AKT3: variants seen among roughly 807,000 people sequenced by gnomAD.
The protein encoded by AKT3 is RAC-gamma serine/threonine-protein kinase.
In AKT3, 15 loss-of-function variants were observed where a neutral mutation model predicts 65.3. The ratio of observed to expected loss-of-function variants is 0.23; its 90% confidence interval spans 0.15 to 0.35. AKT3 has a LOEUF of 0.35. Among genes scored for constraint, AKT3 ranks in the 10% least tolerant of loss-of-function variants. The pLI is 1.00. For missense variants in AKT3, 243 were observed against 576.5 expected, an observed-to-expected ratio of 0.42 and a Z score of 5.92; for synonymous variants, 206 against 183.8, an observed-to-expected ratio of 1.12 and a Z score of -0.98.
chr1:243,706,742 G>C (rs1172874788), intron 2 of AKT3, among the ~76,000 whole-genome samples: 1 of 152,174 alleles, frequency 6.6e-6, no homozygotes, highest in East Asian at 1.9e-4. Flanking sequence ...AAGGAAACAT[G>C]AATGTCCTCA....
At chr1:243,771,329 T>C (rs11588042) in intron 2 of AKT3, among the ~76,000 whole-genome samples, 3,601 of 152,268 alleles carry the variant, frequency 0.024, 59 homozygotes, top group Non-Finnish European at 0.036. Context: ...TACCTTCTCA[T>C]TGAGGGCACA....
chr1:243,747,273 T>A (rs1288131122), intron 2 of AKT3, among the ~76,000 whole-genome samples: 1 of 152,182 alleles, frequency 6.6e-6, no homozygotes, highest in Non-Finnish European at 1.5e-5. Context: ...GAACACTTTT[T>A]CCAAGAACAA....
intron 8 of AKT3, among the ~76,000 whole-genome samples, chr1:243,580,919 C>A (rs1022584807): frequency 1.4e-4 from 21 of 152,122 alleles, no homozygotes; most frequent in African/African-American, 5.1e-4. Flanking sequence ...CAGGAAGATC[C>A]CTAGGCATTC....
intron 2 of AKT3, among the ~76,000 whole-genome samples, chr1:243,734,098 A>G (rs987419587): frequency 6.6e-6 from 1 of 152,218 alleles, no homozygotes; most frequent in East Asian, 1.9e-4. Flanking sequence ...TGTCAAGTCC[A>G]TGAGGGCTGT....
At chr1:243,557,894 AC>A (rs1673513940) in intron 10 of AKT3, among the ~76,000 whole-genome samples, 2 of 152,064 alleles carry the variant, frequency 1.3e-5, no homozygotes, top group African/African-American at 4.8e-5. Flanking sequence ...TAGAAAGGCT[AC>A]TAAAACAACT....
chr1:243,758,871 A>G (rs1689310920), intron 2 of AKT3, among the ~76,000 whole-genome samples: 1 of 152,180 alleles, frequency 6.6e-6, no homozygotes, highest in Non-Finnish European at 1.5e-5. Context: ...ACTTGTCCAC[A>G]GGCTGGGGGT....
chr1:243,739,965 G>C (rs147064873), intron 2 of AKT3, among the ~76,000 whole-genome samples: 201 of 152,254 alleles, frequency 1.3e-3, no homozygotes, highest in Middle Eastern at 0.01. Context: ...GCTCATTATT[G>C]TATCCCCAGC....
intron 8 of AKT3, among the ~76,000 whole-genome samples, chr1:243,595,777 C>T (rs1404139906): frequency 6.6e-6 from 1 of 152,092 alleles, no homozygotes; most frequent in Non-Finnish European, 1.5e-5. Flanking sequence ...CTAACAATGC[C>T]TTCTTTTGGA....
chr1:243,696,086 T>C (rs543309803), intron 2 of AKT3, among the ~76,000 whole-genome samples: 2 of 151,906 alleles, frequency 1.3e-5, no homozygotes, highest in East Asian at 3.9e-4. Flanking sequence ...TGAATTTCCA[T>C]TAAAAACATT....
chr1:243,646,733 C>G (rs1572093692), intron 4 of AKT3, among the ~76,000 whole-genome samples: 1 of 152,052 alleles, frequency 6.6e-6, no homozygotes, highest in East Asian at 1.9e-4. Flanking sequence ...TTAAGTCCAT[C>G]ATTGACATCC....
chr1:243,705,141 C>T (rs979129913), intron 2 of AKT3, among the ~76,000 whole-genome samples: 1 of 152,130 alleles, frequency 6.6e-6, no homozygotes, highest in Non-Finnish European at 1.5e-5. Context: ...AATGCATGAA[C>T]TTGTCATTTT....
At position 243,500,945 on chromosome 1, in the gene AKT3, G is replaced by C; in HGVS notation, c.*4304C>G. The stretch of plus-strand genomic sequence containing the variant: ...TTTAATTGTCCTTAATTCTGTTTTA[G>C]ATATACTGTGAATAAATTATACAAT... On this transcript the variant is annotated 3_prime_UTR_variant, in exon 14 of 14. Transcript: ENST00000673466. 4.4e-6 allele frequency: 1 copy of C among 227,570 alleles called. No individual in the cohort carries two copies. Among genetic ancestry groups the C allele is most frequent in the Non-Finnish European group, 8.7e-6 (1 of 114,588 alleles). 14.1% of individuals were successfully genotyped at this position (227,570 alleles called of 1,614,324 possible).
chr1:243,771,142 A>G (rs986082297), intron 2 of AKT3, among the ~76,000 whole-genome samples: 8 of 152,318 alleles, frequency 5.3e-5, no homozygotes, highest in African/African-American at 1.9e-4. Context: ...TCTTGTAGTC[A>G]AAATATTTAA....
chr1:243,791,482 T>C (rs1212057415), intron 2 of AKT3, among the ~76,000 whole-genome samples: 1 of 152,168 alleles, frequency 6.6e-6, no homozygotes, highest in Non-Finnish European at 1.5e-5. Context: ...TCTGATTCAT[T>C]ATACCTTTAA....
intron 3 of AKT3, among the ~76,000 whole-genome samples, chr1:243,693,292 A>G (rs1272159124): frequency 2.1e-4 from 25 of 121,814 alleles, no homozygotes; most frequent in South Asian, 2.6e-4. Flanking sequence ...ATATATATAT[A>G]TAACATTTCC....
At chr1:243,527,916 CACACACACACACACACACACAGAGAGAG>C (rs1671252605) in intron 12 of AKT3, among the ~76,000 whole-genome samples, 3 of 97,370 alleles carry the variant, frequency 3.1e-5, no homozygotes, top group African/African-American at 4.8e-5. Flanking sequence ...CACACACACA[CACACACACACACACACACACAGAGAGAG>C]AGAGAGAGAG....
At chr1:243,749,138 C>T (rs913329844) in intron 2 of AKT3, among the ~76,000 whole-genome samples, 1 of 152,024 alleles carries the variant, frequency 6.6e-6, no homozygotes, top group Non-Finnish European at 1.5e-5. Flanking sequence ...AATCCCTGAT[C>T]ATTCTATATT....
At chr1:243,756,260 G>C (rs1689131034) in intron 2 of AKT3, among the ~76,000 whole-genome samples, 1 of 152,040 alleles carries the variant, frequency 6.6e-6, no homozygotes, top group African/African-American at 2.4e-5. Context: ...TCAATACAGG[G>C]AACACAATTG....
At chr1:243,510,151 G>A (rs1489490616) in intron 13 of AKT3, among the ~76,000 whole-genome samples, 1 of 152,208 alleles carries the variant, frequency 6.6e-6, no homozygotes, top group Non-Finnish European at 1.5e-5. Flanking sequence ...ACTGAGGAAA[G>A]AGACCTGTCA....
Sources: gnomAD v4.1 joint callset for allele counts (sites outside exome capture counted in the v4.1 genomes callset) on GRCh38, gnomAD v4.1.1 for gene constraint, MANE v1.5 for transcripts, NCBI Gene and HGNC (gene_info 2026-07-23, HGNC 2026-07-21) for gene names.